WDR59: variants seen among roughly 807,000 people sequenced by gnomAD.
WDR59 encodes GATOR2 complex protein WDR59.
A neutral mutation model predicts 131.2 loss-of-function variants in WDR59; 100 were observed. The observed-to-expected ratio is 0.76, with a 90% CI of 0.65 to 0.90. WDR59 has a LOEUF of 0.90. WDR59 is among the 40% of genes least tolerant of loss of function. The pLI is 0.00. For missense variants in WDR59, 1,203 were observed against 1,262.2 expected (o/e 0.95, Z 0.71); for synonymous variants, 601 against 466.2 (o/e 1.29, Z -3.72).
intron 1 of WDR59, among the ~76,000 whole-genome samples, chr16:74,977,674 C>A (rs2034242953): frequency 6.6e-6 from 1 of 152,046 alleles, no homozygotes; most frequent in African/African-American, 2.4e-5. Flanking sequence ...GATAACAGAG[C>A]AAGATTCTGT....
intron 1 of WDR59, among the ~76,000 whole-genome samples, chr16:74,973,424 C>CCACAGG (rs1315136517): frequency 6.6e-6 from 1 of 152,106 alleles, no homozygotes; most frequent in African/African-American, 2.4e-5. Context: ...GTAAATGGTA[C>CCACAGG]CACAGGCACA....
rs1318182614 is a variant in WDR59 at position 74,909,916 on chromosome 16, A to G, written c.1391T>C (p.Ile464Thr). ...TSTMKAKLLKILKDTALQKVK... is the reference protein window; with the variant it reads ...TSTMKAKLLKTLKDTALQKVK... ...TTTCTGCAGGGCTGTGTCCTTCAGG[A>G]TCTAGAAAAGGCCCAAAACACAGTC... The change falls in exon 15 of 26, where the codon ATC (isoleucine) becomes ACC (threonine). Residue 464 changes from isoleucine (I) to threonine (T), a missense_variant and splice_region_variant. By Grantham distance (89) the Ile-to-Thr change is moderately conservative. Coordinates refer to ENST00000262144, the MANE Select transcript of WDR59 (RefSeq NM_030581.4). The G allele has an allele frequency of 8.7e-6, 14 of 1,607,886 alleles. No homozygotes were observed. Among genetic ancestry groups the G allele is most frequent in the Admixed American group, 1.7e-5 (1 of 58,788 alleles).
At chr16:74,934,313 T>C (rs2031629256) in intron 8 of WDR59, among the ~76,000 whole-genome samples, 2 of 152,158 alleles carry the variant, frequency 1.3e-5, no homozygotes, top group South Asian at 2.1e-4. Flanking sequence ...AATCCTTTTT[T>C]TTTAAGAAAA....
At chr16:74,949,330 CAAAAAAAAAA>C (rs550013099) in intron 5 of WDR59, among the ~76,000 whole-genome samples, 65 of 42,618 alleles carry the variant, frequency 1.5e-3, no homozygotes, top group Non-Finnish European at 3.1e-3. Flanking sequence ...TACCTTGTCT[CAAAAAAAAAA>C]AAAAAAAAAA....
At chr16:74,967,965 C>A (rs2033840753) in intron 1 of WDR59, among the ~76,000 whole-genome samples, 1 of 151,900 alleles carries the variant, frequency 6.6e-6, no homozygotes, top group African/African-American at 2.4e-5. Flanking sequence ...TATTATTCAG[C>A]CTTAAAAGGG....
In WDR59 at chr16:74,958,728, G is replaced by A. The variant is rs1398435876; in HGVS notation, c.105-2118C>T. On this transcript the variant is annotated intron_variant, in intron 2 of 25. Transcript: ENST00000262144. ...AAGACAAGGGCAAGGGGTAGGGCTA[G>A]AAGACAACAAGCAGAACAAAACTAG... is the stretch of plus-strand genomic sequence containing the variant. 6.6e-5 allele frequency among the ~76,000 whole-genome samples: 10 copies of A among 151,540 alleles called. No individual in the cohort carries two copies. The Admixed American group carries it at 6.6e-4, about 10-fold the overall frequency.
intron 25 of WDR59, among the ~76,000 whole-genome samples, chr16:74,885,444 A>G: frequency 1.1e-5 from 1 of 90,216 alleles, no homozygotes; most frequent in African/African-American, 4.9e-5. Flanking sequence ...GTGAGATTCC[A>G]TCTCAAAAAA....
intron 1 of WDR59, among the ~76,000 whole-genome samples, chr16:74,972,869 C>G (rs1226677472): frequency 6.9e-6 from 1 of 144,978 alleles, no homozygotes; most frequent in South Asian, 2.2e-4. Flanking sequence ...CAGACTAAAG[C>G]CACAAACTGA....
rs1346016515 is a variant in WDR59, at chr16:74,893,771, A to G, written c.1908T>C (p.Ser636=). ...RWKSKREGSD[S]GNRQIKAAGK... is the part of the protein sequence containing the mutation. Reference sequence around the variant, plus strand: ...CAGCAGCCTTGATCTGTCGATTGCCAGAGTCTGATCCCTCACGCTTACTTT... The same window carrying G: ...CAGCAGCCTTGATCTGTCGATTGCCGGAGTCTGATCCCTCACGCTTACTTT... Residue 636 remains serine, a synonymous_variant, in exon 19 of 26, where the codon TCT becomes TCC. Coordinates refer to ENST00000262144, the MANE Select transcript of WDR59 (RefSeq NM_030581.4). The G allele has an allele frequency of 3.1e-6, 5 of 1,614,070 alleles. No homozygotes were observed. In the African/African-American group the frequency reaches 5.3e-5, roughly 17 times the overall value.
At chr16:74,929,682 T>C (rs2031205516) in intron 8 of WDR59, among the ~76,000 whole-genome samples, 2 of 152,078 alleles carry the variant, frequency 1.3e-5, no homozygotes, top group African/African-American at 2.4e-5. Flanking sequence ...CTGCTAGGTA[T>C]ACACCCCAAA....
intron 6 of WDR59, 73 bp downstream of exon 6, chr16:74,948,446 G>A (rs1428692915): frequency 2.0e-5 from 27 of 1,375,448 alleles, no homozygotes; most frequent in Admixed American, 1.7e-5. Flanking sequence ...AGGAAGGAAC[G>A]GGAAAGAACT....
intron 5 of WDR59, among the ~76,000 whole-genome samples, chr16:74,949,158 A>T (rs2032833783): frequency 6.6e-6 from 1 of 151,714 alleles, no homozygotes; most frequent in Non-Finnish European, 1.5e-5. Flanking sequence ...GTCCCCACAA[A>T]AATAAAAAAT....
intron 1 of WDR59, among the ~76,000 whole-genome samples, chr16:74,970,526 A>AAAAAAAAAC: frequency 1.4e-5 from 2 of 143,200 alleles, no homozygotes; most frequent in Non-Finnish European, 1.5e-5. Flanking sequence ...AAAAAAAAAA[A>AAAAAAAAAC]AGCAGCTCTC....
In WDR59 at chr16:74,942,855, G is replaced by A. The variant is rs774815341; in HGVS notation, c.446-29C>T. ...CAAAGAAAAATCAGGGAAGAAAGCT[G>A]CTGCCCTTGGTGCTTTCGGAAGCAG... On this transcript the variant is annotated intron_variant, in intron 6 of 25. Transcript: ENST00000262144. 3.1e-6 allele frequency: 5 copies of A among 1,601,990 alleles called. No homozygotes were observed. In the South Asian group the frequency reaches 5.5e-5, roughly 18 times the overall value.
chr16:74,909,384 GTT>G lies in WDR59; in HGVS notation c.1642+115_1642+116del, dbSNP rs2144922885. ...CCTACCACGCTACCATGAAAGTCTC[GTT>G]TGAGTTCTCGGGAGTAAAAGCAAAC... On this transcript the variant is annotated intron_variant, in intron 16 of 25. Transcript: ENST00000262144. 17 of 1,312,982 alleles carry G rather than the reference GTT, an allele frequency of 1.3e-5. No homozygotes were observed. The South Asian group carries it at 3.3e-4, about 25-fold the overall frequency. The allele number at this position is 1,312,982 out of a possible 1,614,324, so 81.3% of individuals were successfully genotyped here.
chr16:74,882,080 T>C lies in WDR59; in HGVS notation c.2689+3573A>G, dbSNP rs941562090. On this transcript the variant is annotated intron_variant, in intron 25 of 25. Coordinates refer to ENST00000262144, the MANE Select transcript of WDR59 (RefSeq NM_030581.4). ...ATTCTCTCTGACTGCACTACAGACA[T>C]CTTGACCCACCAAACCACACTTTGT... Among the ~76,000 whole-genome samples the C allele has an allele frequency of 7.2e-5, 11 of 152,192 alleles. 1 individual carries two copies. The highest frequency in any genetic ancestry group is 1.9e-4 in the East Asian group (1 of 5,172).
At chr16:74,901,890 G>T (rs1437533760) in intron 18 of WDR59, among the ~76,000 whole-genome samples, 1 of 152,076 alleles carries the variant, frequency 6.6e-6, no homozygotes, top group Non-Finnish European at 1.5e-5. Context: ...CTACATAAAC[G>T]GGATGGATGT....
At position 74,964,552 on chromosome 16, in the gene WDR59, G is replaced by A. The variant is rs545763745; in HGVS notation, c.104+1221C>T. ...GTATATCCTTCTGAAATTTTTACAC[G>A]TTTACCATGTTGTATACTTTTTTAA... On this transcript the variant is annotated intron_variant, in intron 2 of 25. Coordinates refer to ENST00000262144, the MANE Select transcript of WDR59 (RefSeq NM_030581.4). Among the ~76,000 whole-genome samples, 6 of 152,052 alleles carry A rather than the reference G, an allele frequency of 3.9e-5. No homozygotes were observed. The South Asian group carries it at 1.2e-3, about 32-fold the overall frequency.
intron 13 of WDR59, among the ~76,000 whole-genome samples, chr16:74,915,057 A>G (rs1484783479): frequency 6.6e-6 from 1 of 152,254 alleles, no homozygotes; most frequent in Non-Finnish European, 1.5e-5. Flanking sequence ...CCACAGGCTA[A>G]GCAAACAAAG....
Sources: gnomAD v4.1 joint callset for allele counts (sites outside exome capture counted in the v4.1 genomes callset) on GRCh38, gnomAD v4.1.1 for gene constraint, MANE v1.5 for transcripts, NCBI Gene and HGNC (gene_info 2026-07-23, HGNC 2026-07-21) for gene names.